The following SERPINB6 variants were observed in gnomAD, a reference collection of about 807,000 sequenced individuals.
SERPINB6 encodes serpin B6.
Under a neutral mutation model 26.1 loss-of-function variants are expected in SERPINB6, and 16 were observed. That is an observed-to-expected ratio of 0.61 (90% confidence interval 0.42 to 0.93). SERPINB6 has a LOEUF of 0.93. Among genes scored for constraint, SERPINB6 ranks in the 40% least tolerant of loss-of-function variants. The pLI, the probability that SERPINB6 is intolerant of heterozygous loss-of-function variation, is 0.00. For synonymous variants in SERPINB6, 174 were observed against 176.6 expected, an observed-to-expected ratio of 0.99 and a Z score of 0.11; for missense variants, 420 against 478.0, an observed-to-expected ratio of 0.88 and a Z score of 1.13.
intron 1 of SERPINB6, chr6:2,969,243 G>C: frequency 2.0e-6 from 2 of 985,696 alleles, no homozygotes; most frequent in South Asian, 9.4e-5. Context: ...TGAGTAACAA[G>C]GATGCCTGTT....
chr6:2,955,521 T>C lies in SERPINB6; in HGVS notation c.312+3A>G, dbSNP rs185901839. ...TTAGTGAATAAGAGCAAGTATGACT[T>C]ACTGAGAGGAAATCACAAGACTTTT... is the stretch of plus-strand genomic sequence containing the variant. On this transcript the variant is annotated splice_donor_region_variant and intron_variant, in intron 3 of 6. Coordinates refer to ENST00000380539, the MANE Select transcript of SERPINB6 (RefSeq NM_004568.6). 25 of 1,614,192 alleles carry C rather than the reference T, an allele frequency of 1.5e-5. No homozygotes were observed. In the Admixed American group the frequency reaches 3.7e-4, roughly 24 times the overall value.
chr6:2,955,779 T>C, intron 2 of SERPINB6, 109 bp from the exon 3 acceptor site: 1 of 1,246,916 alleles, frequency 8.0e-7, no homozygotes, highest in Non-Finnish European at 1.1e-6. Context: ...TATTACTGCT[T>C]AAAAGATCTA....
At chr6:2,954,488 GA>G (rs531475170) in intron 4 of SERPINB6, 103 bp downstream of exon 4, 80 of 963,766 alleles carry the variant, frequency 8.3e-5, no homozygotes, top group Non-Finnish European at 1.0e-4. Flanking sequence ...GTTATTCAGA[GA>G]AAAAAAAATC....
Position 2,969,554 on chromosome 6 carries a change from T to C in SERPINB6, c.-11+1979A>G, listed in dbSNP as rs1442022598. On this transcript the variant is annotated intron_variant, in intron 1 of 6. Coordinates refer to ENST00000380539, the MANE Select transcript of SERPINB6 (RefSeq NM_004568.6). ...AAATCTATCCTGGCATCACTTTTTT[T>C]TTCCTGTAGCATCACCAGTAACTGA... 6 of 985,332 alleles carry C rather than the reference T, an allele frequency of 6.1e-6. No homozygotes were observed. The African/African-American group carries it at 8.7e-5, about 14-fold the overall frequency. 61.0% of individuals were successfully genotyped at this position (985,332 alleles called of 1,614,324 possible). A position where few individuals can be genotyped will look rare whatever the true frequency, so the allele number is the denominator to read the frequency against.
At chr6:2,968,652 C>CT in intron 1 of SERPINB6, 1 of 1,224,852 alleles carries the variant, frequency 8.2e-7, no homozygotes, top group Non-Finnish European at 1.0e-6. Flanking sequence ...GTTATGGTGG[C>CT]TGGTGTTTGC....
In SERPINB6 at chr6:2,948,906, G is replaced by C. The variant is rs1445183827; in HGVS notation, c.729+8C>G. ...GCTAGCACGCCTCGCTCACAGCTTA[G>C]CTGTTACCGTTCTCAAGTCAGTGGT... On this transcript the variant is annotated splice_region_variant and intron_variant, in intron 6 of 6. Coordinates refer to ENST00000380539, the MANE Select transcript of SERPINB6 (RefSeq NM_004568.6). This position sits in a 1 kb window ranked among gnomAD's most constrained non-coding sequence, Gnocchi z 5.0. 1.9e-6 allele frequency: 3 copies of C among 1,614,226 alleles called. No homozygotes were observed. Among genetic ancestry groups the C allele is most frequent in the Non-Finnish European group, 2.5e-6 (3 of 1,180,044 alleles).
intron 2 of SERPINB6, chr6:2,956,399 G>A (rs552110786): frequency 1.3e-5 from 2 of 152,562 alleles, no homozygotes; most frequent in Admixed American, 6.5e-5. Flanking sequence ...TAAAAGGCCT[G>A]ACAGCTGCCA....
At chr6:2,951,667 CA>C (rs1769829117) in intron 5 of SERPINB6, among the ~76,000 whole-genome samples, 1 of 152,168 alleles carries the variant, frequency 6.6e-6, no homozygotes. Context: ...TGTATCAACT[CA>C]AAATCTGTGC....
intron 1 of SERPINB6, chr6:2,971,272 G>T: frequency 1.3e-6 from 1 of 782,072 alleles, no homozygotes. Flanking sequence ...GTTCTCTGCC[G>T]CTGCGAGGCT....
At position 2,967,818 on chromosome 6, in the gene SERPINB6, A is replaced by C. The variant is rs1236654257; in HGVS notation, c.-11+3715T>G. On this transcript the variant is annotated intron_variant, in intron 1 of 6. Transcript: ENST00000380539. This position sits in a 1 kb window ranked among gnomAD's most constrained non-coding sequence, Gnocchi z 4.3. ...AAGAGATACTGGCAAGGTTGTGGAGAAAAGGGAACACTTACACACTGCTGG... is the reference window on the plus strand; with the variant it reads ...AAGAGATACTGGCAAGGTTGTGGAGCAAAGGGAACACTTACACACTGCTGG... The C allele has an allele frequency of 6.6e-6, 1 of 152,230 alleles. No homozygotes were observed. The highest frequency in any genetic ancestry group is 1.5e-5 in the Non-Finnish European group (1 of 68,040). The allele number at this position is 152,230 out of a possible 1,614,324, so 9.4% of individuals were successfully genotyped here.
chr6:2,950,903 G>A lies in SERPINB6; in HGVS notation c.574-1834C>T, dbSNP rs901424001. Among the ~76,000 whole-genome samples the A allele has an allele frequency of 3.9e-5, 6 of 152,352 alleles. No individual in the cohort carries two copies. In the East Asian group the frequency reaches 5.8e-4, roughly 15 times the overall value. On this transcript the variant is annotated intron_variant, in intron 5 of 6. Transcript: ENST00000380539. ...TTCTGCTTTCACGTGGTAGAGGCTCGCCTGGGCTGGCCCTTAGCCTTTGGC... is the reference window on the plus strand; with the variant it reads ...TTCTGCTTTCACGTGGTAGAGGCTCACCTGGGCTGGCCCTTAGCCTTTGGC...
intron 1 of SERPINB6, chr6:2,959,900 C>A: frequency 5.6e-6 from 1 of 177,814 alleles, no homozygotes; most frequent in South Asian, 1.2e-4. Context: ...GCCTCCTGAC[C>A]CTTGGATCTC....
chr6:2,952,999 C>T, intron 5 of SERPINB6, 45 bp downstream of exon 5: 1 of 1,613,194 alleles, frequency 6.2e-7, no homozygotes, highest in Non-Finnish European at 8.5e-7. Flanking sequence ...GCCGGAGACG[C>T]TCGTGTGAAC....
intron 1 of SERPINB6, chr6:2,962,246 T>G (rs769340339): frequency 9.3e-5 from 91 of 979,474 alleles, no homozygotes; most frequent in Middle Eastern, 5.2e-4. Flanking sequence ...TCGGTGCACA[T>G]GAGTTTCACT....
At chr6:2,968,820 G>C in intron 1 of SERPINB6, 2 of 1,231,570 alleles carry the variant, frequency 1.6e-6, no homozygotes, top group South Asian at 8.2e-5. Flanking sequence ...ATGTCAGCTG[G>C]GAGCTTCACT....
intron 3 of SERPINB6, chr6:2,955,079 A>G (rs1770277362): frequency 3.5e-6 from 1 of 282,656 alleles, no homozygotes; most frequent in South Asian, 3.8e-5. Flanking sequence ...AATCCCAGCT[A>G]CTTGGGAGGC....
At chr6:2,969,731 T>C in intron 1 of SERPINB6, 1 of 985,026 alleles carries the variant, frequency 1.0e-6, no homozygotes, top group Non-Finnish European at 1.2e-6. Flanking sequence ...AAACTTGGAC[T>C]TCCTGCTTTG....
intron 1 of SERPINB6, chr6:2,969,380 T>C (rs1457661299): frequency 2.1e-6 from 2 of 963,434 alleles, no homozygotes; most frequent in African/African-American, 3.9e-5. Flanking sequence ...TATATGTACA[T>C]AGACAAATAT....
At chr6:2,952,977 G>T (rs1168859603) in intron 5 of SERPINB6, 67 bp downstream of exon 5, 1 of 1,607,490 alleles carries the variant, frequency 6.2e-7, no homozygotes, top group East Asian at 2.2e-5. Flanking sequence ...CTGCAGACGC[G>T]GGAGGCCCCG....
Sources: gnomAD v4.1 joint callset for allele counts (sites outside exome capture counted in the v4.1 genomes callset) on GRCh38, gnomAD v4.1.1 for gene constraint, Gnocchi (gnomAD v3.1) non-coding constraint, MANE v1.5 for transcripts, NCBI Gene and HGNC (gene_info 2026-07-23, HGNC 2026-07-21) for gene names.